GRM5: variants seen among roughly 807,000 people sequenced by gnomAD.
The protein encoded by GRM5 is metabotropic glutamate receptor 5.
GRM5 carries 19 observed loss-of-function variants against 83.1 expected under a neutral mutation model. That is an observed-to-expected ratio of 0.23 (90% confidence interval 0.16 to 0.34). The LOEUF is 0.34. GRM5 is among the 10% of genes least tolerant of loss of function. GRM5 has a pLI of 1.00. For missense variants in GRM5, 1,160 were observed against 1,588.3 expected (o/e 0.73, Z 4.58); for synonymous variants, 675 against 633.6 (o/e 1.07, Z -0.98).
chr11:88,936,008 C>T (rs1461077368), intron 2 of GRM5, among the ~76,000 whole-genome samples: 8 of 151,790 alleles, frequency 5.3e-5, no homozygotes, highest in Non-Finnish European at 2.9e-5. Context: ...ACATATTATT[C>T]TACAAAGTAA....
At position 88,509,374 on chromosome 11, in the gene GRM5, G is replaced by A; in HGVS notation, c.2857C>T (p.Pro953Ser). The A allele has an allele frequency of 6.2e-7, 1 of 1,612,304 alleles. No homozygotes were observed. The change falls in exon 10 of 10, where the codon CCC (proline) becomes TCC (serine). Residue 953 changes from proline to serine, a missense_variant. Pro to Ser is a moderately conservative substitution (Grantham distance 74, BLOSUM62 -1). Transcript: ENST00000305447. ...AGGCCACGGCTCTCCGTGCTCTTGG[G>A]GAAGGGCTTGATGACGGCCGTTTGG... ...PNQTAVIKPF[P>S]KSTESRGLGA...
chr11:88,541,355 T>A (rs979933223), intron 8 of GRM5, among the ~76,000 whole-genome samples: 1 of 152,234 alleles, frequency 6.6e-6, no homozygotes, highest in African/African-American at 2.4e-5. Context: ...TAGGAATTTA[T>A]CATGTCAGAG....
intron 2 of GRM5, among the ~76,000 whole-genome samples, chr11:89,007,018 C>G (rs1311582110): frequency 1.3e-5 from 2 of 152,146 alleles, no homozygotes; most frequent in East Asian, 3.9e-4. Flanking sequence ...AGGATGGTCT[C>G]CATCTCCTGA....
At chr11:88,672,472 T>C (rs1940219170) in intron 3 of GRM5, among the ~76,000 whole-genome samples, 1 of 151,942 alleles carries the variant, frequency 6.6e-6, no homozygotes. Context: ...CAAAGACCTA[T>C]ACAAAATGAG....
rs532261822 is a variant in GRM5 at position 88,922,394 on chromosome 11, T to A, written c.662-72239A>T. 1.3e-3 allele frequency among the ~76,000 whole-genome samples: 196 copies of A among 152,186 alleles called. 5 individuals carry two copies. The South Asian group carries it at 0.04, about 31-fold the overall frequency. On this transcript the variant is annotated intron_variant, in intron 2 of 9. Transcript: ENST00000305447. ...ACAAAAACAGACACATAGACCAATG[T>A]AACAAAATAGATAACACAGAAATAA...
At chr11:88,531,754 A>G (rs1407156212) in intron 8 of GRM5, among the ~76,000 whole-genome samples, 3 of 152,156 alleles carry the variant, frequency 2.0e-5, no homozygotes, top group Non-Finnish European at 1.5e-5. Flanking sequence ...CCCTTACTCC[A>G]GTTTTGTCAT....
At chr11:88,565,818 T>C (rs1026813763) in intron 8 of GRM5, among the ~76,000 whole-genome samples, 1 of 152,190 alleles carries the variant, frequency 6.6e-6, no homozygotes, top group Non-Finnish European at 1.5e-5. Flanking sequence ...GTAAAACAAG[T>C]AGAAAAGAGT....
intron 3 of GRM5, among the ~76,000 whole-genome samples, chr11:88,688,769 T>A (rs1278812332): frequency 6.6e-6 from 1 of 151,970 alleles, no homozygotes; most frequent in African/African-American, 2.4e-5. Flanking sequence ...TTATATATAT[T>A]CATAGTTGCA....
At position 88,507,819 on chromosome 11, in the gene GRM5, C is replaced by A. The variant is rs1591307971; in HGVS notation, c.*773G>T. ...TTGCTACTCCAGTATTGATTGGCAA[C>A]ATGGTGAAATAGTCAAGAAATCTTC... is the stretch of plus-strand genomic sequence containing the variant. On this transcript the variant is annotated 3_prime_UTR_variant, in exon 10 of 10. Transcript: ENST00000305447. 1.3e-5 allele frequency: 2 copies of A among 152,674 alleles called. No homozygotes were observed. The highest frequency in any genetic ancestry group is 2.9e-5 in the Non-Finnish European group (2 of 68,030). The allele number at this position is 152,674 out of a possible 1,614,324, so 9.5% of individuals were successfully genotyped here.
At chr11:88,651,104 TAGAG>T (rs1939619982) in intron 4 of GRM5, among the ~76,000 whole-genome samples, 1 of 151,884 alleles carries the variant, frequency 6.6e-6, no homozygotes, top group Non-Finnish European at 1.5e-5. Flanking sequence ...ACATGAGAGA[TAGAG>T]AGCTACAGCA....
At chr11:88,925,434 C>A (rs1252267843) in intron 2 of GRM5, among the ~76,000 whole-genome samples, 1 of 152,092 alleles carries the variant, frequency 6.6e-6, no homozygotes, top group East Asian at 1.9e-4. Context: ...AATTGCTGAC[C>A]CGTCATGTAT....
In GRM5 at chr11:88,993,941, C is replaced by T. The variant is rs1276263370; in HGVS notation, c.661+53271G>A. On this transcript the variant is annotated intron_variant, in intron 2 of 9. Transcript: ENST00000305447. Reference sequence around the variant, plus strand: ...ATATGTTGCCCAGGCTGGTCTCAAGCTCCTAGGCTCAAGCAACTCTCTCGC... The same window carrying T: ...ATATGTTGCCCAGGCTGGTCTCAAGTTCCTAGGCTCAAGCAACTCTCTCGC... Among the ~76,000 whole-genome samples the T allele has an allele frequency of 8.5e-5, 13 of 152,222 alleles. No individual in the cohort carries two copies. The East Asian group carries it at 2.5e-3, about 29-fold the overall frequency.
In GRM5 at chr11:88,571,463, T is replaced by C. The variant is rs553140996; in HGVS notation, c.1691-3471A>G. On this transcript the variant is annotated intron_variant, in intron 7 of 9. Transcript: ENST00000305447. Reference sequence around the variant, plus strand: ...CTAAGAATAGCAAACTGGACTCTGATTAAAGGGTTATAATCACTGAATCTT... The same window carrying C: ...CTAAGAATAGCAAACTGGACTCTGACTAAAGGGTTATAATCACTGAATCTT... Among the ~76,000 whole-genome samples the C allele has an allele frequency of 2.0e-5, 3 of 152,312 alleles. No individual in the cohort carries two copies. In the South Asian group the frequency reaches 6.2e-4, roughly 32 times the overall value.
intron 2 of GRM5, among the ~76,000 whole-genome samples, chr11:88,937,708 A>G (rs553149258): frequency 6.6e-6 from 1 of 151,696 alleles, no homozygotes; most frequent in African/African-American, 2.4e-5. Flanking sequence ...CTTTTATTTT[A>G]TAGACAAATT....
chr11:88,648,665 A>T (rs974657434), intron 4 of GRM5, among the ~76,000 whole-genome samples: 3 of 136,016 alleles, frequency 2.2e-5, no homozygotes, highest in Non-Finnish European at 3.3e-5. Context: ...AAAAAAAAAA[A>T]AGATTTTCAA....
intron 2 of GRM5, among the ~76,000 whole-genome samples, chr11:88,943,613 G>A (rs1938182960): frequency 6.6e-6 from 1 of 151,970 alleles, no homozygotes; most frequent in African/African-American, 2.4e-5. Flanking sequence ...GCTCCCAAGT[G>A]GGAACTCTTG....
chr11:89,043,968 A>G lies in GRM5; in HGVS notation c.661+3244T>C, dbSNP rs978639724. On this transcript the variant is annotated intron_variant, in intron 2 of 9. Coordinates refer to ENST00000305447, the MANE Select transcript of GRM5 (RefSeq NM_001143831.3). ...GTCAAAGTGTCAGAAGGCCAGTGCT[A>G]CATGAAAGTAAAAGGGAATTATCAA... Among the ~76,000 whole-genome samples, 64 of 152,318 alleles carry G rather than the reference A, an allele frequency of 4.2e-4. 1 individual carries two copies. The highest frequency in any genetic ancestry group is 1.3e-3 in the African/African-American group (52 of 41,570).
At chr11:88,581,607 C>T (rs1052477917) in intron 7 of GRM5, among the ~76,000 whole-genome samples, 2 of 152,218 alleles carry the variant, frequency 1.3e-5, no homozygotes, top group South Asian at 2.1e-4. Context: ...TTAGATTGTA[C>T]TGGTGAGTGT....
chr11:88,941,738 A>G (rs1590983102), intron 2 of GRM5, among the ~76,000 whole-genome samples: 2 of 152,100 alleles, frequency 1.3e-5, no homozygotes, highest in East Asian at 3.9e-4. Context: ...ATTCCTTTAC[A>G]ATGGAGATAT....
Sources: allele counts gnomAD v4.1 joint callset (sites outside exome capture counted in the v4.1 genomes callset), GRCh38; gene constraint gnomAD v4.1.1; transcripts MANE v1.5; gene names NCBI Gene and HGNC (gene_info 2026-07-23, HGNC 2026-07-21).